Variants in LRP1B observed in about 807,000 individuals in gnomAD.
LRP1B encodes the protein LDL receptor related protein 1B.
LRP1B carries 217 observed loss-of-function variants against 556.6 expected under a neutral mutation model. The ratio of observed to expected loss-of-function variants is 0.39; its 90% CI spans 0.35 to 0.44. LRP1B has a LOEUF of 0.44. Among genes scored for constraint, LRP1B ranks in the 20% least tolerant of loss-of-function variants. The pLI is 1.00. For missense variants in LRP1B, 5,053 were observed against 5,620.8 expected, an observed-to-expected ratio of 0.90 and a Z score of 3.23; for synonymous variants, 2,047 against 1,865.8, an observed-to-expected ratio of 1.10 and a Z score of -2.50.
At position 140,776,190 on chromosome 2, in the gene LRP1B, C is replaced by T. The variant is rs1689492219; in HGVS notation, c.5408G>A (p.Cys1803Tyr). The change falls in exon 33 of 91, where the codon TGC becomes TAC. Residue 1803 changes from cysteine (C) to tyrosine (Y), a missense_variant. Around this residue, in one of 5 missense-constraint regions of LRP1B, gnomAD observed 3,619 missense variants for 3,931.9 expected, o/e 0.92. Transcript: ENST00000389484. The part of the protein sequence containing the change: ...ADQNLAQLGT[C>Y]SKRDGRNPTI... ...GGGGTTTCTTCCGTCTCTTTTGCTG[C>T]AGGTTCCTAGCTGGGCTAAGTTTTG... The T allele has an allele frequency of 6.2e-7, 1 of 1,602,408 alleles. No homozygotes were observed. Among genetic ancestry groups the T allele is most frequent in the Non-Finnish European group, 8.5e-7 (1 of 1,174,972 alleles).
intron 7 of LRP1B, among the ~76,000 whole-genome samples, chr2:141,122,974 T>C (rs1346613885): frequency 6.6e-6 from 1 of 152,006 alleles, no homozygotes; most frequent in Non-Finnish European, 1.5e-5. Context: ...CTGGAAACCA[T>C]CATTCTCAGT....
intron 7 of LRP1B, among the ~76,000 whole-genome samples, chr2:141,140,940 G>T (rs1701635527): frequency 6.6e-6 from 1 of 152,100 alleles, no homozygotes; most frequent in Non-Finnish European, 1.5e-5. Context: ...TGAAGAAATT[G>T]TATTTTTAAT....
chr2:140,385,738 G>T (rs535662404), intron 67 of LRP1B, among the ~76,000 whole-genome samples, 155 bp downstream of exon 67: 1 of 152,198 alleles, frequency 6.6e-6, no homozygotes, highest in African/African-American at 2.4e-5. Flanking sequence ...TGAAATTCAG[G>T]TAGTCTGAAT....
intron 7 of LRP1B, among the ~76,000 whole-genome samples, chr2:141,131,013 G>A (rs1399866144): frequency 6.6e-6 from 1 of 151,954 alleles, no homozygotes; most frequent in Non-Finnish European, 1.5e-5. Flanking sequence ...ATCACACAGG[G>A]CATATACCTA....
In LRP1B at chr2:141,377,527, C is replaced by T. The variant is rs1309527239; in HGVS notation, c.343+102869G>A. 2.6e-5 allele frequency among the ~76,000 whole-genome samples: 4 copies of T among 151,890 alleles called. No homozygotes were observed. In the East Asian group the frequency reaches 5.8e-4, roughly 22 times the overall value. On this transcript the variant is annotated intron_variant, in intron 3 of 90. Coordinates refer to ENST00000389484, the MANE Select transcript of LRP1B (RefSeq NM_018557.3). ...TTTCCTCCCCAATTTTTTAGTTATC[C>T]TCAGATCTCTCTTAAACTACCTAGA...
intron 16 of LRP1B, among the ~76,000 whole-genome samples, chr2:140,990,771 T>C (rs984448998): frequency 1.3e-5 from 2 of 152,130 alleles, no homozygotes; most frequent in Non-Finnish European, 1.5e-5. Context: ...CCTAACTGAA[T>C]TGGCATGCTC....
chr2:141,877,948 A>G (rs1698823641), intron 1 of LRP1B, among the ~76,000 whole-genome samples: 1 of 151,970 alleles, frequency 6.6e-6, no homozygotes, highest in African/African-American at 2.4e-5. Flanking sequence ...GACACTTTTA[A>G]CTAAGAAAAA....
chr2:140,332,338 A>G (rs1407586485), intron 79 of LRP1B, among the ~76,000 whole-genome samples: 1 of 152,020 alleles, frequency 6.6e-6, no homozygotes, highest in Non-Finnish European at 1.5e-5. Flanking sequence ...AATTTGTGAG[A>G]AAAAGGACTG....
At chr2:141,857,345 T>C (rs1486213081) in intron 1 of LRP1B, among the ~76,000 whole-genome samples, 1 of 152,058 alleles carries the variant, frequency 6.6e-6, no homozygotes, top group African/African-American at 2.4e-5. Flanking sequence ...TTTTATTTTA[T>C]TTATTTATGT....
intron 1 of LRP1B, among the ~76,000 whole-genome samples, chr2:141,910,823 A>G (rs1004597120): frequency 6.6e-6 from 1 of 152,102 alleles, no homozygotes; most frequent in Non-Finnish European, 1.5e-5. Context: ...AAAGTAGGAA[A>G]CTTTCAGTGC....
intron 41 of LRP1B, among the ~76,000 whole-genome samples, chr2:140,669,033 C>T (rs1416777795): frequency 1.3e-5 from 2 of 152,072 alleles, no homozygotes; most frequent in African/African-American, 4.8e-5. Flanking sequence ...AGGTTTTAGG[C>T]ACAGGGTTTC....
rs1008136968 is a variant in LRP1B at position 140,797,474 on chromosome 2, A to G, written c.5359+16183T>C. On this transcript the variant is annotated intron_variant, in intron 32 of 90. Transcript: ENST00000389484. ...TAAACATTAACTATAACAGCTTGAA[A>G]TATTTACTAGAAATTTCTCTTATTA... Among the ~76,000 whole-genome samples the G allele has an allele frequency of 5.3e-5, 8 of 152,094 alleles. No individual in the cohort carries two copies. The East Asian group carries it at 1.2e-3, about 22-fold the overall frequency.
chr2:140,988,230 G>T (rs1696985216), intron 17 of LRP1B, among the ~76,000 whole-genome samples: 2 of 152,066 alleles, frequency 1.3e-5, no homozygotes, highest in Non-Finnish European at 2.9e-5. Flanking sequence ...CTATAAGATG[G>T]ATAGCTTGGA....
intron 3 of LRP1B, among the ~76,000 whole-genome samples, chr2:141,288,761 A>C (rs1685824429): frequency 6.6e-6 from 1 of 152,236 alleles, no homozygotes; most frequent in Non-Finnish European, 1.5e-5. Context: ...CTTCCCTAGA[A>C]GAATTTACTT....
intron 1 of LRP1B, among the ~76,000 whole-genome samples, chr2:141,996,720 C>CG (rs1044283114): frequency 5.7e-4 from 85 of 150,068 alleles, no homozygotes; most frequent in Non-Finnish European, 1.0e-3. Flanking sequence ...CTTTCCCCCC[C>CG]CCTACAAACT....
chr2:141,592,496 C>T (rs1341808382), intron 2 of LRP1B, among the ~76,000 whole-genome samples: 4 of 151,990 alleles, frequency 2.6e-5, no homozygotes, highest in African/African-American at 4.8e-5. Context: ...CCCTGTGACC[C>T]CATATGATGA....
intron 15 of LRP1B, among the ~76,000 whole-genome samples, chr2:140,998,365 C>T (rs539101857): frequency 2.0e-5 from 3 of 152,164 alleles, no homozygotes; most frequent in Non-Finnish European, 4.4e-5. Flanking sequence ...AATAGTGACT[C>T]ACTGTCTTTG....
chr2:140,500,606 C>T (rs1488641653), intron 55 of LRP1B, among the ~76,000 whole-genome samples: 1 of 151,934 alleles, frequency 6.6e-6, no homozygotes, highest in Admixed American at 6.6e-5. Context: ...ACTCTTAATT[C>T]CGATCTTTTA....
chr2:141,017,810 C>T (rs1390664890), intron 12 of LRP1B, among the ~76,000 whole-genome samples: 1 of 151,642 alleles, frequency 6.6e-6, no homozygotes, highest in Non-Finnish European at 1.5e-5. Flanking sequence ...GCCTGAGCAA[C>T]ATGGCAAAAC....
Sources: allele counts gnomAD v4.1 joint callset (sites outside exome capture counted in the v4.1 genomes callset), GRCh38; gene constraint gnomAD v4.1.1; regional missense constraint gnomAD v4.1.1; transcripts MANE v1.5; gene names NCBI Gene and HGNC (gene_info 2026-07-23, HGNC 2026-07-21).